The following PSG11 variants were observed in gnomAD, a reference collection of about 807,000 sequenced individuals.
PSG11 encodes pregnancy specific beta-1-glycoprotein 11, also known as pregnancy-specific beta-1-glycoprotein 11.
Under a neutral mutation model 36.0 loss-of-function variants are expected in PSG11, and 42 were observed. The ratio of observed to expected loss-of-function variants is 1.17; its 90% CI spans 0.91 to 1.51. The LOEUF is 1.51. Ranked by LOEUF, PSG11 falls within the 40% of genes most tolerant of loss-of-function variation. The pLI, the probability that PSG11 is intolerant of heterozygous loss-of-function variation, is 0.00. For synonymous variants in PSG11, 206 were observed against 153.5 expected (o/e 1.34, Z -2.53); for missense variants, 558 against 403.5 (o/e 1.38, Z -3.28).
intron 2 of PSG11, chr19:43,024,348 C>T (rs1967182031): frequency 2.7e-6 from 1 of 377,264 alleles, no homozygotes; most frequent in South Asian, 3.8e-5. Context: ...TCTCAGGGGC[C>T]CCTCAGGTCA....
chr19:43,019,149 C>G, intron 2 of PSG11, 101 bp from the exon 3 acceptor site: 1 of 1,538,858 alleles, frequency 6.5e-7, no homozygotes, highest in Admixed American at 2.0e-5. Flanking sequence ...TCAGCCCACC[C>G]GAGTCCCTAA....
At chr19:43,021,276 A>G (rs934363922) in intron 2 of PSG11, among the ~76,000 whole-genome samples, 7 of 151,378 alleles carry the variant, frequency 4.6e-5, no homozygotes, top group Non-Finnish European at 1.0e-4. Flanking sequence ...TTCTATTGAC[A>G]CATCCTCAAG....
intron 4 of PSG11, chr19:43,014,700 G>A: frequency 1.7e-6 from 2 of 1,200,590 alleles, no homozygotes; most frequent in East Asian, 3.4e-5. Flanking sequence ...CTCATTTGGG[G>A]GAAAAGTGTG....
intron 4 of PSG11, 163 bp from the exon 5 acceptor site, chr19:43,010,204 T>A: frequency 6.9e-7 from 1 of 1,452,730 alleles, no homozygotes; most frequent in Non-Finnish European, 9.1e-7. Flanking sequence ...TCTTGCAGTT[T>A]TTTTTCCCTC....
At chr19:43,019,432 T>C (rs573463611) in intron 2 of PSG11, 7 of 225,120 alleles carry the variant, frequency 3.1e-5, no homozygotes, top group East Asian at 1.9e-4. Context: ...GTCTTACTTT[T>C]CCCCCCAAGG....
At position 43,014,721 on chromosome 19, in the gene PSG11, A is replaced by C. The variant is rs1181509951; in HGVS notation, c.964+395T>G. The C allele has an allele frequency of 3.3e-6, 4 of 1,201,722 alleles. No individual in the cohort carries two copies. The East Asian group carries it at 1.3e-4, about 38-fold the overall frequency. The allele number at this position is 1,201,722 out of a possible 1,614,324, so 74.4% of individuals were successfully genotyped here. A position where few individuals can be genotyped will look rare whatever the true frequency, so the allele number is the denominator to read the frequency against. On this transcript the variant is annotated intron_variant, in intron 4 of 5. Transcript: ENST00000320078. ...TGGGGGAAAAGTGTGAGCTTGTTTC[A>C]AAGCCTCAGATGTTCCTTGTAGTTC...
intron 5 of PSG11, among the ~76,000 whole-genome samples, chr19:43,008,500 T>C (rs1010365976): frequency 1.3e-5 from 2 of 151,050 alleles, no homozygotes; most frequent in African/African-American, 4.9e-5. Context: ...AAGGTCTGGA[T>C]CTCCTGACCT....
At chr19:43,015,394 C>G in intron 3 of PSG11, 24 bp from the exon 4 acceptor site, 2 of 1,597,192 alleles carry the variant, frequency 1.3e-6, no homozygotes, top group South Asian at 2.3e-5. Context: ...AATAAAGCCA[C>G]AGTTGATGTC....
rs1242962321 is a variant in PSG11, at chr19:43,010,243, C to T, written c.965-202G>A. On this transcript the variant is annotated intron_variant, in intron 4 of 5. Transcript: ENST00000320078. ...CCATGTTTCTCAGTTGGTGATCAGT[C>T]CTCTGTCAATTCTCTACTGCACTCA... is the stretch of plus-strand genomic sequence containing the variant. The T allele has an allele frequency of 2.8e-6, 4 of 1,453,970 alleles. No individual in the cohort carries two copies. In the East Asian group the frequency reaches 1.0e-4, roughly 37 times the overall value. 90.1% of individuals were successfully genotyped at this position (1,453,970 alleles called of 1,614,324 possible).
At chr19:43,026,161 T>G (rs2122841520) in intron 1 of PSG11, 148 bp downstream of exon 1, 1 of 1,282,098 alleles carries the variant, frequency 7.8e-7, no homozygotes, top group Non-Finnish European at 1.1e-6. Context: ...TGGACTGATC[T>G]TGAACTCCTG....
chr19:43,018,770 G>C lies in PSG11; in HGVS notation c.709C>G (p.His237Asp). ...RSDPVTLNLL[H>D]GPDLPRIFPS... is the part of the protein sequence containing the mutation. Reference sequence around the variant, plus strand: ...TCACAGAGGAACAGAAGATACTCACGGAGGAGATTCAGGGTGACTGGGTCA... The same window carrying C: ...TCACAGAGGAACAGAAGATACTCACCGAGGAGATTCAGGGTGACTGGGTCA... The change falls in exon 3 of 6, where the codon CAT (histidine) becomes GAT (aspartate). Residue 237 changes from histidine to aspartate, a missense_variant and splice_region_variant. By Grantham distance (81) the His-to-Asp change is moderately conservative (BLOSUM62 -1). Transcript: ENST00000320078. The C allele has an allele frequency of 6.2e-7, 1 of 1,612,094 alleles. No individual in the cohort carries two copies. Among genetic ancestry groups the C allele is most frequent in the South Asian group, 1.1e-5 (1 of 90,846 alleles).
chr19:43,014,557 A>T, intron 4 of PSG11: 1 of 992,278 alleles, frequency 1.0e-6, no homozygotes, highest in Non-Finnish European at 1.2e-6. Flanking sequence ...AGGACAGGCC[A>T]CCAGGACTCT....
intron 2 of PSG11, among the ~76,000 whole-genome samples, chr19:43,020,718 A>C (rs1307691911): frequency 6.6e-6 from 1 of 151,368 alleles, no homozygotes; most frequent in Admixed American, 6.6e-5. Context: ...TCCCGTTAAA[A>C]GGACAGAACT....
intron 4 of PSG11, among the ~76,000 whole-genome samples, chr19:43,013,908 G>T (rs1966891265): frequency 6.6e-6 from 1 of 151,404 alleles, no homozygotes; most frequent in Non-Finnish European, 1.5e-5. Context: ...CAAAGGAGGT[G>T]TATCTATACA....
At chr19:43,021,884 G>A (rs1220544722) in intron 2 of PSG11, among the ~76,000 whole-genome samples, 1 of 151,290 alleles carries the variant, frequency 6.6e-6, no homozygotes, top group East Asian at 1.9e-4. Flanking sequence ...CTGACACCCT[G>A]GTGAGTCAGT....
intron 3 of PSG11, chr19:43,018,195 T>C (rs970219704): frequency 6.0e-6 from 1 of 165,636 alleles, no homozygotes; most frequent in East Asian, 1.6e-4. Context: ...GACCCCTCTA[T>C]ATGTTTTAGT....
chr19:43,018,050 C>T (rs190374567), intron 3 of PSG11, among the ~76,000 whole-genome samples: 2 of 151,294 alleles, frequency 1.3e-5, no homozygotes, highest in East Asian at 1.9e-4. Context: ...GCAGGTGGCT[C>T]TTCCCTGATA....
chr19:43,016,379 C>T (rs1385399555), intron 3 of PSG11, among the ~76,000 whole-genome samples: 1 of 151,180 alleles, frequency 6.6e-6, no homozygotes, highest in Non-Finnish European at 1.5e-5. Context: ...CCTTGGGTTC[C>T]TTACCTGGAA....
intron 2 of PSG11, among the ~76,000 whole-genome samples, chr19:43,020,167 T>A (rs1237869149): frequency 1.3e-5 from 2 of 151,452 alleles, no homozygotes; most frequent in Admixed American, 1.3e-4. Context: ...AGAGATCTCC[T>A]GTACAGATTC....
Sources: gnomAD v4.1 joint callset for allele counts (sites outside exome capture counted in the v4.1 genomes callset) on GRCh38, gnomAD v4.1.1 for gene constraint, MANE v1.5 for transcripts, NCBI Gene and HGNC (gene_info 2026-07-23, HGNC 2026-07-21) for gene names.